Variants in TUNAR observed in about 807,000 individuals in gnomAD.
TUNAR encodes the protein protein TUNAR.
exon 3 of TUNAR, chr14:95,923,447 T>C (rs1889731581): frequency 6.5e-6 from 1 of 152,860 alleles, no homozygotes; most frequent in South Asian, 2.1e-4. Flanking sequence ...TCATCAAAAG[T>C]GTCTAACTAT....
chr14:95,887,236 C>G (rs1293234670), intron 2 of TUNAR, among the ~76,000 whole-genome samples: 1 of 152,214 alleles, frequency 6.6e-6, no homozygotes, highest in Admixed American at 6.5e-5. Flanking sequence ...CTGGCTCCAT[C>G]TCTTTCTTTC....
intron 2 of TUNAR, among the ~76,000 whole-genome samples, chr14:95,883,541 A>C (rs1889015967): frequency 6.6e-6 from 1 of 152,230 alleles, no homozygotes; most frequent in Non-Finnish European, 1.5e-5. Context: ...AGTGTGTCAT[A>C]GGCTGCTACT....
chr14:95,892,257 C>T (rs1213729126), intron 2 of TUNAR, among the ~76,000 whole-genome samples: 1 of 152,246 alleles, frequency 6.6e-6, no homozygotes, highest in Admixed American at 6.5e-5. Flanking sequence ...CCTGCTCAGG[C>T]CCATGAGATG....
intron 2 of TUNAR, among the ~76,000 whole-genome samples, chr14:95,917,986 T>TCCACCCA (rs58433234): frequency 0.019 from 2,840 of 152,316 alleles, 104 homozygotes; most frequent in East Asian, 0.13. Context: ...ACCCAGCCCC[T>TCCACCCA]GGCAGGAAGA....
chr14:95,923,828 TTTG>T (rs1487964517), exon 3 of TUNAR: 2 of 152,222 alleles, frequency 1.3e-5, no homozygotes, highest in African/African-American at 4.8e-5. Context: ...TGAGTGGCTT[TTTG>T]TTGTTATCTC....
chr14:95,911,673 A>G (rs1889516898), intron 2 of TUNAR, among the ~76,000 whole-genome samples: 1 of 152,212 alleles, frequency 6.6e-6, no homozygotes, highest in South Asian at 2.1e-4. Context: ...CTCAAGACGG[A>G]GAAACACTCA....
chr14:95,892,680 G>A (rs1889201375), intron 2 of TUNAR, among the ~76,000 whole-genome samples: 1 of 152,230 alleles, frequency 6.6e-6, no homozygotes, highest in East Asian at 1.9e-4. Context: ...CATGGGAGCT[G>A]CCATGTTTCT....
In TUNAR at chr14:95,909,564, T is replaced by G. The variant is rs56046329; in HGVS notation, c.13-13217T>G. On this transcript the variant is annotated intron_variant, in intron 2 of 2. Transcript: ENST00000678517. The stretch of plus-strand genomic sequence containing the variant: ...CCGCAAAGTGCTGGGATTACAGGCG[T>G]GAGCCACCGTGCCCGGCCGCTGCCA... Among the ~76,000 whole-genome samples the G allele has an allele frequency of 4.3e-3, 651 of 152,222 alleles. 1 individual carries two copies. Among genetic ancestry groups the G allele is most frequent in the African/African-American group, 0.015 (621 of 41,536 alleles).
intron 2 of TUNAR, among the ~76,000 whole-genome samples, chr14:95,899,703 AG>A (rs1028243684): frequency 2.0e-5 from 3 of 152,030 alleles, no homozygotes; most frequent in African/African-American, 7.2e-5. Context: ...TAGTGGAGGG[AG>A]GGGTGGAGAG....
chr14:95,915,242 A>G (rs1472054095), intron 2 of TUNAR, among the ~76,000 whole-genome samples: 1 of 152,206 alleles, frequency 6.6e-6, no homozygotes, highest in Non-Finnish European at 1.5e-5. Context: ...ATGGGTTCCA[A>G]CTGCCTTAAG....
chr14:95,896,501 A>T (rs913712513), intron 2 of TUNAR, among the ~76,000 whole-genome samples: 2 of 152,196 alleles, frequency 1.3e-5, no homozygotes, highest in Admixed American at 6.5e-5. Context: ...GACTTCCATG[A>T]AGGGACTGGG....
exon 2 of TUNAR, chr14:95,877,074 C>T (rs150973971): frequency 6.6e-6 from 1 of 152,198 alleles, no homozygotes; most frequent in African/African-American, 2.4e-5. Flanking sequence ...CCTTTTTTTC[C>T]TTCTCCTCGC....
At chr14:95,900,422 G>A (rs1889333654) in intron 2 of TUNAR, among the ~76,000 whole-genome samples, 1 of 152,214 alleles carries the variant, frequency 6.6e-6, no homozygotes, top group Non-Finnish European at 1.5e-5. Context: ...AGTGTTATTA[G>A]ATGGAACCAG....
chr14:95,906,297 C>T lies in TUNAR; in HGVS notation c.13-16484C>T, dbSNP rs115358508. ...GGACAGGCACTAATCCATGCGTGCA[C>T]ACTCATCTGTATTTCTGTGTCCACC... is the stretch of plus-strand genomic sequence containing the variant. On this transcript the variant is annotated intron_variant, in intron 2 of 2. Transcript: ENST00000678517. 5.5e-3 allele frequency among the ~76,000 whole-genome samples: 832 copies of T among 152,288 alleles called. 12 individuals carry two copies. The highest frequency in any genetic ancestry group is 0.019 in the African/African-American group (782 of 41,554).
chr14:95,898,563 T>G (rs1889299674), intron 2 of TUNAR, among the ~76,000 whole-genome samples: 1 of 152,238 alleles, frequency 6.6e-6, no homozygotes, highest in Non-Finnish European at 1.5e-5. Context: ...TTCTCATTTC[T>G]TTGCCTTTTT....
At chr14:95,909,282 C>CTTTTTT (rs3044246) in intron 2 of TUNAR, among the ~76,000 whole-genome samples, 20 of 125,932 alleles carry the variant, frequency 1.6e-4, no homozygotes, top group African/African-American at 5.8e-4. Flanking sequence ...GCTGCCATCT[C>CTTTTTT]TTTTTTTTTT....
intron 2 of TUNAR, among the ~76,000 whole-genome samples, chr14:95,897,418 A>G (rs77118384): frequency 0.014 from 2,101 of 152,246 alleles, 54 homozygotes; most frequent in East Asian, 0.11. Flanking sequence ...TCCTTATTTC[A>G]TAAGGTGAGG....
chr14:95,909,609 A>C (rs1462534377), intron 2 of TUNAR, among the ~76,000 whole-genome samples: 1 of 152,166 alleles, frequency 6.6e-6, no homozygotes, highest in East Asian at 1.9e-4. Flanking sequence ...AGGGAAATCC[A>C]GCTAGGTGGG....
chr14:95,893,741 C>T (rs776116021), intron 2 of TUNAR, among the ~76,000 whole-genome samples: 5 of 152,250 alleles, frequency 3.3e-5, no homozygotes, highest in African/African-American at 1.2e-4. Flanking sequence ...GAAAAATGCT[C>T]ATGCCCAGGC....
Sources: allele counts gnomAD v4.1 joint callset (sites outside exome capture counted in the v4.1 genomes callset), GRCh38; gene constraint gnomAD v4.1.1; transcripts MANE v1.5; gene names NCBI Gene and HGNC (gene_info 2026-07-23, HGNC 2026-07-21).